SAXO1: variants seen among roughly 807,000 people sequenced by gnomAD.
SAXO1 encodes 4930500O09Rik.
In SAXO1, 21 loss-of-function variants were observed where a neutral mutation model predicts 17.5. The observed-to-expected ratio is 1.20, with a 90% CI of 0.85 to 1.72. SAXO1 has a LOEUF of 1.72. Among genes scored for constraint, SAXO1 ranks in the 40% most tolerant of loss-of-function variants. The pLI, the probability that SAXO1 is intolerant of heterozygous loss-of-function variation, is 0.00. For missense variants in SAXO1, 843 were observed against 596.0 expected (o/e 1.41, Z -4.32); for synonymous variants, 274 against 216.5 (o/e 1.27, Z -2.33).
chr9:18,979,269 C>G (rs1363635615), intron 1 of SAXO1, among the ~76,000 whole-genome samples: 1 of 152,136 alleles, frequency 6.6e-6, no homozygotes, highest in East Asian at 1.9e-4. Flanking sequence ...GAATATACTA[C>G]TAAAACAAGA....
intron 1 of SAXO1, among the ~76,000 whole-genome samples, chr9:19,007,562 T>C (rs961356240): frequency 1.3e-5 from 2 of 152,148 alleles, no homozygotes; most frequent in African/African-American, 4.8e-5. Context: ...CATTCCAGAG[T>C]TTTACCCTAG....
intron 1 of SAXO1, among the ~76,000 whole-genome samples, chr9:18,972,128 G>T (rs543473900): frequency 6.6e-6 from 1 of 152,196 alleles, no homozygotes; most frequent in Non-Finnish European, 1.5e-5. Flanking sequence ...GGACCTCCCA[G>T]ATGCTGGCAA....
At chr9:18,978,623 C>G (rs2131814027) in intron 1 of SAXO1, among the ~76,000 whole-genome samples, 1 of 152,312 alleles carries the variant, frequency 6.6e-6, no homozygotes, top group East Asian at 1.9e-4. Context: ...CTAACTGAAC[C>G]CTGAATAATG....
At chr9:18,933,973 G>A (rs1406789493) in intron 3 of SAXO1, among the ~76,000 whole-genome samples, 1 of 152,186 alleles carries the variant, frequency 6.6e-6, no homozygotes, top group Non-Finnish European at 1.5e-5. Context: ...GTGAACCCGG[G>A]AGGCGGAGCT....
chr9:18,955,983 A>G (rs1452522952), intron 1 of SAXO1, among the ~76,000 whole-genome samples: 1 of 151,584 alleles, frequency 6.6e-6, no homozygotes, highest in Non-Finnish European at 1.5e-5. Flanking sequence ...TTTGTCACCT[A>G]GACTGGAGTA....
Position 18,928,036 on chromosome 9 carries a change from T to C in SAXO1, c.*16A>G. On this transcript the variant is annotated 3_prime_UTR_variant, in exon 4 of 4. Transcript: ENST00000380534. Reference sequence around the variant, plus strand: ...TTAAAAGTACTGTGTAATTTCTAAATTACTATTTTTCAAAATCAGGCTAAC... The same window carrying C: ...TTAAAAGTACTGTGTAATTTCTAAACTACTATTTTTCAAAATCAGGCTAAC... 6.5e-7 allele frequency: 1 copy of C among 1,546,266 alleles called. No homozygotes were observed. Among genetic ancestry groups the C allele is most frequent in the Non-Finnish European group, 8.7e-7 (1 of 1,143,756 alleles).
chr9:19,028,135 G>C (rs1273950335), intron 1 of SAXO1: 12 of 1,589,294 alleles, frequency 7.6e-6, no homozygotes, highest in East Asian at 4.5e-5. Context: ...CTACGCCTAG[G>C]GCACGGCAGG....
intron 3 of SAXO1, among the ~76,000 whole-genome samples, chr9:18,932,139 T>C (rs1408204682): frequency 3.9e-5 from 6 of 152,248 alleles, no homozygotes; most frequent in African/African-American, 7.2e-5. Flanking sequence ...CAAGATATCA[T>C]AGATTTTTCT....
At chr9:18,929,460 T>C (rs1250697289) in intron 3 of SAXO1, among the ~76,000 whole-genome samples, 1 of 152,126 alleles carries the variant, frequency 6.6e-6, no homozygotes, top group East Asian at 1.9e-4. Flanking sequence ...TGTAGTGAGA[T>C]AGAAAATTCA....
At chr9:18,960,172 T>C (rs1832427055) in intron 1 of SAXO1, among the ~76,000 whole-genome samples, 1 of 152,178 alleles carries the variant, frequency 6.6e-6, no homozygotes, top group Non-Finnish European at 1.5e-5. Flanking sequence ...ATATTTAGAT[T>C]AATTAGAGAA....
chr9:19,000,196 G>A (rs528532144), intron 1 of SAXO1, among the ~76,000 whole-genome samples: 34 of 148,668 alleles, frequency 2.3e-4, no homozygotes, highest in South Asian at 1.3e-3. Flanking sequence ...AGTGAGGAGC[G>A]CCTCCACCCG....
chr9:19,000,107 G>A (rs1381417648), intron 1 of SAXO1, among the ~76,000 whole-genome samples: 1 of 150,528 alleles, frequency 6.6e-6, no homozygotes, highest in Non-Finnish European at 1.5e-5. Flanking sequence ...CATCTGGGAA[G>A]TGAGGAGCAC....
intron 3 of SAXO1, among the ~76,000 whole-genome samples, chr9:18,941,406 TCA>T (rs1486885347): frequency 1.3e-5 from 2 of 152,236 alleles, no homozygotes; most frequent in East Asian, 3.8e-4. Flanking sequence ...TATATCATTT[TCA>T]CAGTCCTCAA....
At chr9:19,033,362 T>G (rs920987308), upstream of SAXO1, 2 of 164,812 alleles carry the variant, frequency 1.2e-5, no homozygotes, top group Admixed American at 6.4e-5. Context: ...AGGACAGGGG[T>G]TCCCCGGTGA....
intron 2 of SAXO1, among the ~76,000 whole-genome samples, chr9:18,946,694 T>C (rs80031146): frequency 5.3e-5 from 8 of 151,976 alleles, no homozygotes; most frequent in South Asian, 2.1e-4. Flanking sequence ...AGACCAGACA[T>C]TGGAATTAGC....
intron 1 of SAXO1, among the ~76,000 whole-genome samples, chr9:18,998,004 T>G (rs923854001): frequency 3.3e-5 from 5 of 152,056 alleles, no homozygotes; most frequent in Admixed American, 1.3e-4. Flanking sequence ...ACCTCTAACA[T>G]GGAGAGAAAC....
At chr9:18,943,177 C>A (rs1259530206) in intron 2 of SAXO1, among the ~76,000 whole-genome samples, 1 of 152,208 alleles carries the variant, frequency 6.6e-6, no homozygotes, top group Non-Finnish European at 1.5e-5. Context: ...AGTTAGGAAG[C>A]AGGAGAATTA....
chr9:18,993,543 C>T (rs942763102), intron 1 of SAXO1, among the ~76,000 whole-genome samples: 13 of 152,088 alleles, frequency 8.5e-5, no homozygotes, highest in African/African-American at 3.1e-4. Flanking sequence ...GAGTGAAAGA[C>T]GTCGCATCAA....
intron 1 of SAXO1, among the ~76,000 whole-genome samples, chr9:18,991,612 T>A (rs1485271987): frequency 6.6e-6 from 1 of 152,154 alleles, no homozygotes; most frequent in South Asian, 2.1e-4. Context: ...AAATACCTAA[T>A]GTAAATGATG....
Sources: allele counts gnomAD v4.1 joint callset (sites outside exome capture counted in the v4.1 genomes callset), GRCh38; gene constraint gnomAD v4.1.1; transcripts MANE v1.5; gene names NCBI Gene and HGNC (gene_info 2026-07-23, HGNC 2026-07-21).